GLCCI1: variants seen among roughly 807,000 people sequenced by gnomAD.
GLCCI1 encodes glucocorticoid induced 1, also known as glucocorticoid-induced transcript 1 protein.
GLCCI1 carries 24 observed loss-of-function variants against 52.2 expected under a neutral mutation model. The ratio of observed to expected loss-of-function variants is 0.46; its 90% confidence interval spans 0.33 to 0.65. The LOEUF (loss-of-function observed/expected upper bound fraction) is 0.65, where lower values mean the gene tolerates loss of function less well. Ranked by LOEUF, GLCCI1 falls within the 30% of genes least tolerant of loss-of-function variation. The pLI is 0.02. For synonymous variants in GLCCI1, 310 were observed against 276.5 expected, an observed-to-expected ratio of 1.12 and a Z score of -1.20; for missense variants, 704 against 701.5, an observed-to-expected ratio of 1.00 and a Z score of -0.04.
chr7:7,981,005 C>A, intron 1 of GLCCI1: 2 of 538,184 alleles, frequency 3.7e-6, no homozygotes, highest in South Asian at 1.6e-5. Flanking sequence ...AAACGAAGGT[C>A]AGCCGAAGAA....
chr7:8,001,419 C>T (rs980442778), intron 1 of GLCCI1, among the ~76,000 whole-genome samples: 2 of 152,146 alleles, frequency 1.3e-5, no homozygotes, highest in African/African-American at 4.8e-5. Context: ...TATCTCACAC[C>T]AGTTAGAATG....
chr7:7,970,723 T>A (rs548530001), intron 1 of GLCCI1, among the ~76,000 whole-genome samples: 20 of 152,288 alleles, frequency 1.3e-4, no homozygotes, highest in African/African-American at 3.6e-4. Context: ...CATGATTTAG[T>A]TGAGCCCTGG....
At chr7:8,079,126 A>T (rs1319913806) in intron 6 of GLCCI1, among the ~76,000 whole-genome samples, 1 of 152,126 alleles carries the variant, frequency 6.6e-6, no homozygotes, top group Non-Finnish European at 1.5e-5. Flanking sequence ...AAATGTTAGT[A>T]AAGTTTACTT....
chr7:8,069,525 C>T (rs1245154978), intron 5 of GLCCI1, among the ~76,000 whole-genome samples: 1 of 152,150 alleles, frequency 6.6e-6, no homozygotes, highest in Non-Finnish European at 1.5e-5. Context: ...GGCAGCTGTG[C>T]TGCTGGCCTG....
At chr7:7,998,176 G>GTTTTTTTTTTTTTTTTTTTTTT in intron 1 of GLCCI1, among the ~76,000 whole-genome samples, 1 of 143,680 alleles carries the variant, frequency 7.0e-6, no homozygotes, top group Non-Finnish European at 1.5e-5. Flanking sequence ...AGTTTTTTTT[G>GTTTTTTTTTTTTTTTTTTTTTT]TTTTTTTTTT....
intron 1 of GLCCI1, among the ~76,000 whole-genome samples, chr7:7,975,694 T>G (rs1178357539): frequency 1.3e-5 from 2 of 152,206 alleles, no homozygotes; most frequent in African/African-American, 4.8e-5. Flanking sequence ...GTTTGTTGAA[T>G]GTAACTAAAA....
chr7:8,079,574 G>A (rs1562453342), intron 6 of GLCCI1, among the ~76,000 whole-genome samples: 1 of 151,342 alleles, frequency 6.6e-6, no homozygotes, highest in African/African-American at 2.5e-5. Flanking sequence ...TGAGTAGTTA[G>A]CATATCAACA....
intron 3 of GLCCI1, among the ~76,000 whole-genome samples, chr7:8,042,079 A>T (rs1782012917): frequency 6.6e-6 from 1 of 152,202 alleles, no homozygotes; most frequent in African/African-American, 2.4e-5. Flanking sequence ...ACTGCTCAAA[A>T]AAGGAAAAGA....
At chr7:7,994,276 T>C (rs1780898319) in intron 1 of GLCCI1, among the ~76,000 whole-genome samples, 1 of 152,152 alleles carries the variant, frequency 6.6e-6, no homozygotes, top group Non-Finnish European at 1.5e-5. Flanking sequence ...AAAGTAGCTA[T>C]AGAATATTAT....
At chr7:8,027,065 C>T (rs1392505647) in intron 3 of GLCCI1, among the ~76,000 whole-genome samples, 1 of 152,234 alleles carries the variant, frequency 6.6e-6, no homozygotes. Flanking sequence ...ATACCTAACT[C>T]TTCAATGCCC....
At chr7:8,019,803 A>C (rs567505573) in intron 2 of GLCCI1, among the ~76,000 whole-genome samples, 120 of 152,308 alleles carry the variant, frequency 7.9e-4, no homozygotes, top group African/African-American at 2.8e-3. Context: ...GTAAAAATAT[A>C]ATACATAAAG....
chr7:8,028,421 G>A (rs1368365662), intron 3 of GLCCI1, among the ~76,000 whole-genome samples: 1 of 152,006 alleles, frequency 6.6e-6, no homozygotes, highest in Non-Finnish European at 1.5e-5. Context: ...AAATGATAAT[G>A]GAAGCACAAC....
Position 8,087,326 on chromosome 7 carries a change from C to T in GLCCI1, c.*788C>T, listed in dbSNP as rs186869105. The T allele has an allele frequency of 4.6e-5, 7 of 152,756 alleles. No homozygotes were observed. In the East Asian group the frequency reaches 1.3e-3, roughly 29 times the overall value. The allele number at this position is 152,756 out of a possible 1,614,324, so 9.5% of individuals were successfully genotyped here. ...GTGGTTACAAGTAAAACAACTGTTG[C>T]ATTCACTGTTTCAACATGTGTACAT... On this transcript the variant is annotated 3_prime_UTR_variant, in exon 8 of 8. Transcript: ENST00000223145.
intron 4 of GLCCI1, among the ~76,000 whole-genome samples, chr7:8,059,331 C>A (rs1782466099): frequency 6.6e-6 from 1 of 152,130 alleles, no homozygotes; most frequent in Non-Finnish European, 1.5e-5. Context: ...GTGTGCTAAC[C>A]AATGATTAGC....
intron 1 of GLCCI1, among the ~76,000 whole-genome samples, chr7:7,970,122 G>C (rs905092323): frequency 6.6e-6 from 1 of 152,188 alleles, no homozygotes; most frequent in African/African-American, 2.4e-5. Context: ...GAAGCTGGGC[G>C]AAACACTTAA....
At chr7:8,031,341 T>C (rs1304682230) in intron 3 of GLCCI1, among the ~76,000 whole-genome samples, 1 of 151,844 alleles carries the variant, frequency 6.6e-6, no homozygotes, top group Non-Finnish European at 1.5e-5. Flanking sequence ...GATATAAAAA[T>C]CAAAACAATA....
In GLCCI1 at chr7:8,031,325, T is replaced by C. The variant is rs144532692; in HGVS notation, c.696+8756T>C. Among the ~76,000 whole-genome samples, 397 of 152,226 alleles carry C rather than the reference T, an allele frequency of 2.6e-3. 1 individual carries two copies. Among genetic ancestry groups the C allele is most frequent in the African/African-American group, 8.9e-3 (370 of 41,552 alleles). On this transcript the variant is annotated intron_variant, in intron 3 of 7. Transcript: ENST00000223145. The stretch of plus-strand genomic sequence containing the variant: ...ACAAACATTGCATGTTCTCAGTCAT[T>C]TGTGGGATATAAAAATCAAAACAAT...
chr7:8,072,065 C>A (rs1782774449), intron 6 of GLCCI1, among the ~76,000 whole-genome samples: 1 of 152,264 alleles, frequency 6.6e-6, no homozygotes, highest in East Asian at 1.9e-4. Flanking sequence ...AAACCACTAC[C>A]TACATCAAGT....
At chr7:8,029,719 A>G (rs975947426) in intron 3 of GLCCI1, among the ~76,000 whole-genome samples, 1 of 152,186 alleles carries the variant, frequency 6.6e-6, no homozygotes, top group Non-Finnish European at 1.5e-5. Flanking sequence ...GTTGCAGAAC[A>G]CAAAGTCAAC....
Sources: allele counts gnomAD v4.1 joint callset (sites outside exome capture counted in the v4.1 genomes callset), GRCh38; gene constraint gnomAD v4.1.1; transcripts MANE v1.5; gene names NCBI Gene and HGNC (gene_info 2026-07-23, HGNC 2026-07-21).